The following SH3BGRL variants were observed in gnomAD, a reference collection of about 807,000 sequenced individuals.
SH3BGRL encodes adapter SH3BGRL.
SH3BGRL carries 7 observed loss-of-function variants against 9.8 expected under a neutral mutation model. That is an observed-to-expected ratio of 0.72 (90% CI 0.41 to 1.35). The LOEUF (loss-of-function observed/expected upper bound fraction) is 1.35. Among genes scored for constraint, SH3BGRL ranks in the 40% most tolerant of loss-of-function variants. The probability of loss-of-function intolerance (pLI) is 0.01; values close to 1 mark genes in which losing one functional copy is unlikely to be tolerated. For synonymous variants in SH3BGRL, 36 were observed against 29.1 expected, an observed-to-expected ratio of 1.24 and a Z score of -0.76; for missense variants, 73 against 84.4, an observed-to-expected ratio of 0.86 and a Z score of 0.53.
In SH3BGRL at chrX:81,217,287, A is replaced by AT. The variant is rs745598230; in HGVS notation, c.45+15052dup. 3.1e-3 allele frequency among the ~76,000 whole-genome samples: 317 copies of AT among 102,945 alleles called. 5 individuals are homozygous for AT. The East Asian group carries it at 0.062, about 20-fold the overall frequency. 89.4% of individuals were successfully genotyped at this position (102,945 alleles called of 115,157 possible). ...TCATTTAGTTCTGCTCTGATCTTTG[A>AT]TTTTTTTTTTCTTCTGCTGGGTTTG... On this transcript the variant is annotated intron_variant, in intron 1 of 3. Coordinates refer to ENST00000373212, the MANE Select transcript of SH3BGRL (RefSeq NM_003022.3).
At chrX:81,202,409 G>C (rs2147660703) in intron 1 of SH3BGRL, 164 bp downstream of exon 1, 1 of 993,675 alleles carries the variant, frequency 1.0e-6, no homozygotes, top group Non-Finnish European at 1.3e-6. Flanking sequence ...TTGTTGCATC[G>C]ATTTCATTTT....
intron 1 of SH3BGRL, among the ~76,000 whole-genome samples, chrX:81,253,035 G>C (rs1602612502): frequency 8.9e-6 from 1 of 111,961 alleles, no homozygotes; most frequent in East Asian, 2.8e-4. Context: ...AATACTATTA[G>C]ATTTATGTCA....
chrX:81,287,446 C>A (rs982961688), intron 3 of SH3BGRL, among the ~76,000 whole-genome samples: 4 of 111,804 alleles, frequency 3.6e-5, no homozygotes, highest in Non-Finnish European at 7.5e-5. Context: ...CCTGAACAGA[C>A]CAATTACAAG....
intron 1 of SH3BGRL, among the ~76,000 whole-genome samples, chrX:81,272,019 C>A (rs1215334823): frequency 9.2e-6 from 1 of 108,689 alleles, no homozygotes; most frequent in Non-Finnish European, 1.9e-5. Flanking sequence ...ATGGTGAAAC[C>A]CTGTCTCTAC....
intron 1 of SH3BGRL, among the ~76,000 whole-genome samples, chrX:81,231,116 G>A (rs774311020): frequency 1.1e-4 from 12 of 112,222 alleles, no homozygotes; most frequent in Non-Finnish European, 1.7e-4. Context: ...CTTGGAAAAT[G>A]TTCATGTAGA....
intron 1 of SH3BGRL, among the ~76,000 whole-genome samples, chrX:81,273,649 GTTTTTTTT>G (rs11354793): frequency 4.2e-5 from 3 of 70,934 alleles, no homozygotes; most frequent in East Asian, 3.7e-4. Flanking sequence ...TGGTTAAATG[GTTTTTTTT>G]TTTTTTTTTT....
rs184899326 is a variant in SH3BGRL, at chrX:81,209,573, A to G, written c.45+7328A>G. Among the ~76,000 whole-genome samples the G allele has an allele frequency of 8.0e-5, 9 of 111,806 alleles. No individual in the cohort carries two copies. The East Asian group carries it at 2.6e-3, about 32-fold the overall frequency. ...GAACTCTGGTTGTTCGGACTTCAGA[A>G]CCCACTCCTAAACACTGTGTTATTT... On this transcript the variant is annotated intron_variant, in intron 1 of 3. Transcript: ENST00000373212.
chrX:81,253,166 T>C (rs1281005110), intron 1 of SH3BGRL, among the ~76,000 whole-genome samples: 1 of 111,883 alleles, frequency 8.9e-6, no homozygotes, highest in Non-Finnish European at 1.9e-5. Flanking sequence ...TTTCGTCTTT[T>C]GGTAAATATA....
At chrX:81,267,635 C>T (rs1245984330) in intron 1 of SH3BGRL, among the ~76,000 whole-genome samples, 20 of 111,366 alleles carry the variant, frequency 1.8e-4, no homozygotes, top group African/African-American at 6.2e-4. Context: ...ATTTTCACGT[C>T]GATATTCATC....
chrX:81,248,350 A>C (rs757297015), intron 1 of SH3BGRL, among the ~76,000 whole-genome samples: 1 of 111,475 alleles, frequency 9.0e-6, no homozygotes, highest in Admixed American at 9.4e-5. Flanking sequence ...TTACTGAGAG[A>C]CTCTTTGTAG....
chrX:81,208,620 C>G (rs1488365960), intron 1 of SH3BGRL, among the ~76,000 whole-genome samples: 1 of 112,261 alleles, frequency 8.9e-6, no homozygotes, highest in South Asian at 3.7e-4. Flanking sequence ...GCTTTCAGAT[C>G]TACTTTGCGG....
At chrX:81,286,706 G>T (rs1210027815) in intron 3 of SH3BGRL, among the ~76,000 whole-genome samples, 2 of 110,116 alleles carry the variant, frequency 1.8e-5, no homozygotes, top group African/African-American at 6.6e-5. Context: ...TAGTAGTGAA[G>T]CTGAAATTTT....
chrX:81,204,459 G>A (rs1021695175), intron 1 of SH3BGRL, among the ~76,000 whole-genome samples: 1 of 111,502 alleles, frequency 9.0e-6, no homozygotes, highest in African/African-American at 3.3e-5. Flanking sequence ...TATCCTGATG[G>A]AGTCCTACAA....
Position 81,264,643 on chromosome X carries a change from C to G in SH3BGRL, c.46-12341C>G, listed in dbSNP as rs374574535. On this transcript the variant is annotated intron_variant, in intron 1 of 3. Coordinates refer to ENST00000373212, the MANE Select transcript of SH3BGRL (RefSeq NM_003022.3). ...GGCAACTCTAGGCAAAATTCTGAGA[C>G]AAAGAAACTTCACTGTCTTCATTAC... 3.4e-4 allele frequency among the ~76,000 whole-genome samples: 38 copies of G among 110,577 alleles called. 1 individual carries two copies. In the South Asian group the frequency reaches 0.013, roughly 39 times the overall value.
chrX:81,225,281 C>A (rs1040088696), intron 1 of SH3BGRL, among the ~76,000 whole-genome samples: 4 of 110,931 alleles, frequency 3.6e-5, no homozygotes, highest in African/African-American at 1.3e-4. Context: ...TATATATTTT[C>A]TTTTTAATTT....
In SH3BGRL at chrX:81,239,512, C is replaced by T. The variant is rs186252470; in HGVS notation, c.45+37267C>T. On this transcript the variant is annotated intron_variant, in intron 1 of 3. Transcript: ENST00000373212. Reference sequence around the variant, plus strand: ...ACAAAAGAAAAAAGAATATGTAGCACGCATACAGAATCTAAAAAATGGTGG... The same window carrying T: ...ACAAAAGAAAAAAGAATATGTAGCATGCATACAGAATCTAAAAAATGGTGG... Among the ~76,000 whole-genome samples, 26 of 110,901 alleles carry T rather than the reference C, an allele frequency of 2.3e-4. 1 individual carries two copies. The highest frequency in any genetic ancestry group is 8.5e-4 in the East Asian group (3 of 3,526).
chrX:81,223,065 T>G (rs1376541361), intron 1 of SH3BGRL, among the ~76,000 whole-genome samples: 9 of 111,936 alleles, frequency 8.0e-5, no homozygotes, highest in Admixed American at 6.6e-4. Flanking sequence ...TTGCAGATTC[T>G]GGATATTAGC....
intron 1 of SH3BGRL, among the ~76,000 whole-genome samples, chrX:81,261,070 T>C (rs1488963557): frequency 9.0e-6 from 1 of 111,487 alleles, no homozygotes; most frequent in Admixed American, 9.5e-5. Flanking sequence ...TTGTAAAAGA[T>C]TGTCGACCTT....
chrX:81,209,703 T>C (rs181159790), intron 1 of SH3BGRL, among the ~76,000 whole-genome samples: 2 of 112,236 alleles, frequency 1.8e-5, no homozygotes, highest in East Asian at 5.6e-4. Context: ...GGATGATGTC[T>C]AAGTAGGCAA....
Sources: gnomAD v4.1 joint callset for allele counts (sites outside exome capture counted in the v4.1 genomes callset) on GRCh38, gnomAD v4.1.1 for gene constraint, MANE v1.5 for transcripts, NCBI Gene and HGNC (gene_info 2026-07-23, HGNC 2026-07-21) for gene names.